The following CFAP299 variants were observed in gnomAD, a reference collection of about 807,000 sequenced individuals.
CFAP299 encodes cilia and flagella associated protein 299, also known as cilia- and flagella-associated protein 299.
A neutral mutation model predicts 27.0 loss-of-function variants in CFAP299; 21 were observed. The ratio of observed to expected loss-of-function variants is 0.78; its 90% CI spans 0.55 to 1.12. The LOEUF is 1.12. Among genes scored for constraint, CFAP299 ranks in the 50% most tolerant of loss-of-function variants. The pLI is 0.00. For synonymous variants in CFAP299, 104 were observed against 98.1 expected, an observed-to-expected ratio of 1.06 and a Z score of -0.36; for missense variants, 310 against 276.6, an observed-to-expected ratio of 1.12 and a Z score of -0.86.
intron 3 of CFAP299, among the ~76,000 whole-genome samples, chr4:80,692,373 C>A (rs571724268): frequency 1.2e-4 from 18 of 152,024 alleles, no homozygotes; most frequent in African/African-American, 4.8e-5. Flanking sequence ...CAGAACAGAG[C>A]CCTCAGAAAT....
At chr4:80,626,185 C>A (rs1738891764) in intron 3 of CFAP299, among the ~76,000 whole-genome samples, 1 of 151,936 alleles carries the variant, frequency 6.6e-6, no homozygotes, top group Non-Finnish European at 1.5e-5. Flanking sequence ...GAAATCATAT[C>A]AAGTAGCTAT....
intron 2 of CFAP299, among the ~76,000 whole-genome samples, chr4:80,434,942 G>A (rs1163186354): frequency 6.6e-6 from 1 of 152,154 alleles, no homozygotes; most frequent in Admixed American, 6.5e-5. Context: ...ATCTCAAAGT[G>A]TTGACTGCTT....
At chr4:80,566,137 G>T (rs1735271801) in intron 2 of CFAP299, among the ~76,000 whole-genome samples, 1 of 152,000 alleles carries the variant, frequency 6.6e-6, no homozygotes, top group African/African-American at 2.4e-5. Flanking sequence ...AGAAGTCTAG[G>T]ATACTTCCAT....
At chr4:80,722,180 G>A (rs1019307752) in intron 3 of CFAP299, among the ~76,000 whole-genome samples, 3 of 152,146 alleles carry the variant, frequency 2.0e-5, no homozygotes, top group African/African-American at 7.2e-5. Context: ...CACTTTGGGA[G>A]GCTGAGGTGG....
chr4:80,634,005 T>A (rs1165969112), intron 3 of CFAP299, among the ~76,000 whole-genome samples: 1 of 148,952 alleles, frequency 6.7e-6, no homozygotes, highest in Non-Finnish European at 1.5e-5. Context: ...TTTTTTTTTT[T>A]ACGAAATCTA....
At chr4:80,696,837 A>G (rs764166726) in intron 3 of CFAP299, among the ~76,000 whole-genome samples, 1 of 152,202 alleles carries the variant, frequency 6.6e-6, no homozygotes, top group Non-Finnish European at 1.5e-5. Flanking sequence ...GTGCTTGGAC[A>G]GTGATGCATG....
the CFAP299 span, among the ~76,000 whole-genome samples, chr4:80,322,204 C>T: frequency 6.6e-6 from 1 of 152,172 alleles, no homozygotes; most frequent in African/African-American, 2.4e-5. Flanking sequence ...ATTTATACAC[C>T]TGTGTAAAAG....
rs557434396 is a variant in CFAP299, at chr4:80,595,577, T to C, written c.333+12394T>C. 1.2e-4 allele frequency among the ~76,000 whole-genome samples: 19 copies of C among 152,314 alleles called. No homozygotes were observed. In the South Asian group the frequency reaches 3.5e-3, roughly 28 times the overall value. ...CAGTGACTTGTTGATATAAATGCTC[T>C]GCATCTTATTGGATTGGAGTAAAGA... On this transcript the variant is annotated intron_variant, in intron 3 of 5. Coordinates refer to ENST00000358105, the MANE Select transcript of CFAP299 (RefSeq NM_152770.3).
At chr4:80,888,594 C>G (rs1479042269) in intron 4 of CFAP299, among the ~76,000 whole-genome samples, 1 of 152,074 alleles carries the variant, frequency 6.6e-6, no homozygotes, top group African/African-American at 2.4e-5. Flanking sequence ...AAACATCGGA[C>G]TTAACCTCTA....
chr4:80,653,749 G>T (rs1008667717), intron 3 of CFAP299, among the ~76,000 whole-genome samples: 1 of 152,184 alleles, frequency 6.6e-6, no homozygotes, highest in Admixed American at 6.5e-5. Context: ...ACATTTTTAA[G>T]TATTTTCACC....
At chr4:80,380,422 A>ATTTTTT (rs10701207) in intron 2 of CFAP299, among the ~76,000 whole-genome samples, 18 of 96,130 alleles carry the variant, frequency 1.9e-4, no homozygotes, top group East Asian at 3.1e-4. Flanking sequence ...TGTGTCTCAC[A>ATTTTTT]TTTTTTTTTT....
intron 3 of CFAP299, among the ~76,000 whole-genome samples, chr4:80,822,095 G>A (rs1465154229): frequency 6.6e-6 from 1 of 152,154 alleles, no homozygotes; most frequent in Non-Finnish European, 1.5e-5. Flanking sequence ...CAGAAGTTTG[G>A]TAGAAACTTC....
At chr4:80,861,231 C>T (rs1213282432) in intron 3 of CFAP299, among the ~76,000 whole-genome samples, 2 of 152,202 alleles carry the variant, frequency 1.3e-5, no homozygotes, top group Non-Finnish European at 2.9e-5. Flanking sequence ...AGGATATAAT[C>T]TCCTGGTGCG....
At chr4:80,812,633 G>C (rs1022139412) in intron 3 of CFAP299, among the ~76,000 whole-genome samples, 2 of 152,086 alleles carry the variant, frequency 1.3e-5, no homozygotes, top group African/African-American at 4.8e-5. Flanking sequence ...TTGCAGTCTA[G>C]TGCAGACAAC....
At chr4:80,591,731 A>G (rs973557093) in intron 3 of CFAP299, among the ~76,000 whole-genome samples, 1 of 152,232 alleles carries the variant, frequency 6.6e-6, no homozygotes, top group African/African-American at 2.4e-5. Context: ...GAGGTCCCTA[A>G]TATACCCATG....
chr4:80,895,170 CCACA>C (rs66497721), intron 4 of CFAP299, among the ~76,000 whole-genome samples: 1,916 of 132,610 alleles, frequency 0.014, 23 homozygotes, highest in Middle Eastern at 0.028. Flanking sequence ...AATGTTCTCA[CCACA>C]CACACACACA....
At chr4:80,660,450 G>A (rs1043376739) in intron 3 of CFAP299, among the ~76,000 whole-genome samples, 3 of 152,174 alleles carry the variant, frequency 2.0e-5, no homozygotes, top group African/African-American at 7.2e-5. Context: ...ATTAAGGAAA[G>A]TATTTTGTTA....
intron 3 of CFAP299, among the ~76,000 whole-genome samples, chr4:80,617,206 A>G: frequency 6.6e-6 from 1 of 152,140 alleles, no homozygotes; most frequent in Middle Eastern, 3.2e-3. Flanking sequence ...GCCCTTGGAG[A>G]TGTAACAGGA....
intron 2 of CFAP299, chr4:80,386,112 C>G (rs531094739): frequency 2.1e-6 from 1 of 473,638 alleles, no homozygotes. Context: ...CTCCAGTCTG[C>G]CCCCAGGGAG....
Sources: gnomAD v4.1 joint callset for allele counts (sites outside exome capture counted in the v4.1 genomes callset) on GRCh38, gnomAD v4.1.1 for gene constraint, MANE v1.5 for transcripts, NCBI Gene and HGNC (gene_info 2026-07-23, HGNC 2026-07-21) for gene names.